Variants in ZFX observed in about 807,000 individuals in gnomAD.
ZFX encodes the protein zinc finger protein X-linked, also known as zinc finger X-chromosomal protein.
For missense variants in ZFX, 362 were observed against 628.3 expected (o/e 0.58, Z 4.53); for synonymous variants, 196 against 226.8 (o/e 0.86, Z 1.22).
intron 4 of ZFX, 125 bp downstream of exon 4, chrX:24,172,925 G>A (rs1028557603): frequency 7.7e-6 from 5 of 648,224 alleles, no homozygotes; most frequent in Non-Finnish European, 8.8e-6. Flanking sequence ...AAAATTCACA[G>A]GTGTTACGGT....
chrX:24,207,289 T>C, intron 5 of ZFX, 37 bp from the exon 6 acceptor site: 1 of 1,086,108 alleles, frequency 9.2e-7, no homozygotes, highest in Admixed American at 2.3e-5. Flanking sequence ...TATTTAAATA[T>C]CTGTTACTAT....
intron 5 of ZFX, among the ~76,000 whole-genome samples, chrX:24,202,531 A>G (rs763314931): frequency 1.8e-5 from 2 of 111,269 alleles, no homozygotes; most frequent in East Asian, 5.6e-4. Context: ...GTGGTGCTGC[A>G]TTATTGCCAT....
At chrX:24,166,141 AT>A (rs34675357) in intron 3 of ZFX, among the ~76,000 whole-genome samples, 209 of 112,703 alleles carry the variant, frequency 1.9e-3, no homozygotes, top group African/African-American at 5.6e-3. Flanking sequence ...TTCAGAGAGT[AT>A]TGTGTCAACT....
At chrX:24,178,104 G>C (rs1935318893) in intron 4 of ZFX, among the ~76,000 whole-genome samples, 1 of 106,572 alleles carries the variant, frequency 9.4e-6, no homozygotes, top group African/African-American at 3.4e-5. Context: ...GATAATTTTT[G>C]TATTTTTAGT....
chrX:24,163,364 G>GTTTTTTTTTTTTTTTTTTTTT (rs66467960), intron 3 of ZFX, among the ~76,000 whole-genome samples: 8 of 19,049 alleles, frequency 4.2e-4, no homozygotes, highest in African/African-American at 7.0e-4. Context: ...TTTTTGTTAG[G>GTTTTTTTTTTTTTTTTTTTTT]TTTTTTTTTT....
chrX:24,166,440 T>A (rs1479348982), intron 3 of ZFX, among the ~76,000 whole-genome samples: 2 of 112,092 alleles, frequency 1.8e-5, no homozygotes, highest in Admixed American at 1.9e-4. Flanking sequence ...TGACGTGGAG[T>A]AGGCAGGGCT....
intron 5 of ZFX, among the ~76,000 whole-genome samples, chrX:24,197,188 G>A (rs990821909): frequency 1.4e-4 from 16 of 111,599 alleles, no homozygotes; most frequent in Non-Finnish European, 2.8e-4. Flanking sequence ...ACTTGAGACA[G>A]GCCAGGTGTG....
At chrX:24,208,618 T>G (rs896171712) in intron 8 of ZFX, among the ~76,000 whole-genome samples, 4 of 112,485 alleles carry the variant, frequency 3.6e-5, no homozygotes, top group African/African-American at 1.3e-4. Context: ...GCTGAAAGTT[T>G]TCATCTTGAT....
intron 5 of ZFX, among the ~76,000 whole-genome samples, chrX:24,185,946 C>A (rs891060335): frequency 1.1e-4 from 12 of 105,884 alleles, no homozygotes; most frequent in Non-Finnish European, 2.1e-4. Context: ...AAAAAAAAAA[C>A]AACCCCTCCC....
At chrX:24,169,122 T>C (rs1447242941) in intron 3 of ZFX, among the ~76,000 whole-genome samples, 1 of 111,554 alleles carries the variant, frequency 9.0e-6, no homozygotes, top group Non-Finnish European at 1.9e-5. Flanking sequence ...GGTATAGTCA[T>C]CTCTGTTTAG....
Position 24,212,473 on chromosome X carries a change from T to C in ZFX, c.*1097T>C, listed in dbSNP as rs1938161652. ...CTAGTATTTTTAAAGAGTAAAGATA[T>C]TTTCTTTTAAATATCTTTGGTAATT... On this transcript the variant is annotated 3_prime_UTR_variant, in exon 10 of 10. Coordinates refer to ENST00000304543, the MANE Select transcript of ZFX (RefSeq NM_003410.4). 1 of 112,411 alleles carries C rather than the reference T, an allele frequency of 8.9e-6. No individual in the cohort carries two copies. Among genetic ancestry groups the C allele is most frequent in the South Asian group, 3.7e-4 (1 of 2,714 alleles). 9.3% of individuals were successfully genotyped at this position (112,411 alleles called of 1,213,427 possible).
intron 3 of ZFX, among the ~76,000 whole-genome samples, chrX:24,163,844 A>G (rs1933716893): frequency 9.4e-6 from 1 of 106,304 alleles, no homozygotes; most frequent in African/African-American, 3.4e-5. Context: ...AAAAAAGAAA[A>G]AAAAAAAAAA....
At chrX:24,189,627 A>G (rs898807555) in intron 5 of ZFX, among the ~76,000 whole-genome samples, 1 of 111,743 alleles carries the variant, frequency 8.9e-6, no homozygotes, top group African/African-American at 3.3e-5. Context: ...ATAGTAAAAT[A>G]TTTACTCTTT....
At chrX:24,188,399 T>C (rs1341886518) in intron 5 of ZFX, among the ~76,000 whole-genome samples, 2 of 110,937 alleles carry the variant, frequency 1.8e-5, no homozygotes, top group African/African-American at 6.6e-5. Flanking sequence ...AAAAAAAAAC[T>C]GTTTTCAAAG....
At chrX:24,154,797 A>C (rs1003456136) in intron 3 of ZFX, among the ~76,000 whole-genome samples, 2 of 112,020 alleles carry the variant, frequency 1.8e-5, no homozygotes, top group Non-Finnish European at 3.8e-5. Flanking sequence ...TAAAATAAAT[A>C]TGCAGCCATA....
chrX:24,178,163 C>T (rs1452440487), intron 4 of ZFX, among the ~76,000 whole-genome samples: 3 of 111,497 alleles, frequency 2.7e-5, no homozygotes, highest in East Asian at 5.6e-4. Flanking sequence ...ATCTCCTGAG[C>T]TTGTGATCCA....
At position 24,212,381 on chromosome X, in the gene ZFX, A is replaced by G. The variant is rs1248387451; in HGVS notation, c.*1005A>G. 8.9e-6 allele frequency: 1 copy of G among 112,422 alleles called. No individual in the cohort carries two copies. The highest frequency in any genetic ancestry group is 9.5e-5 in the Admixed American group (1 of 10,545). The allele number at this position is 112,422 out of a possible 1,213,427, so 9.3% of individuals were successfully genotyped here. A position where few individuals can be genotyped will look rare whatever the true frequency, so the allele number is the denominator to read the frequency against. ...TGAAAGATCCAGGGATGCATGAGAG[A>G]GCATTTTGTAAGTCATGCTCTTCAG... On this transcript the variant is annotated 3_prime_UTR_variant, in exon 10 of 10. Transcript: ENST00000304543.
intron 5 of ZFX, among the ~76,000 whole-genome samples, chrX:24,193,954 A>T (rs1434169585): frequency 2.7e-5 from 3 of 111,192 alleles, no homozygotes; most frequent in African/African-American, 9.8e-5. Context: ...TATATCCATT[A>T]AACACTAACT....
At chrX:24,201,655 C>T (rs987191806) in intron 5 of ZFX, among the ~76,000 whole-genome samples, 2 of 112,255 alleles carry the variant, frequency 1.8e-5, no homozygotes, top group Middle Eastern at 4.6e-3. Context: ...CCACTGCTAC[C>T]TCAGTTTGAA....
Sources: gnomAD v4.1 joint callset for allele counts (sites outside exome capture counted in the v4.1 genomes callset) on GRCh38, gnomAD v4.1.1 for gene constraint, MANE v1.5 for transcripts, NCBI Gene and HGNC (gene_info 2026-07-23, HGNC 2026-07-21) for gene names.